The following KATNA1 variants were observed in gnomAD, a reference collection of about 807,000 sequenced individuals.
KATNA1 encodes the protein katanin p60 ATPase-containing subunit A1.
Under a neutral mutation model 62.6 loss-of-function variants are expected in KATNA1, and 42 were observed. That is an observed-to-expected ratio of 0.67 (90% CI 0.52 to 0.87). The LOEUF (loss-of-function observed/expected upper bound fraction) is 0.87. Ranked by LOEUF, KATNA1 falls within the 40% of genes least tolerant of loss-of-function variation. The pLI, the probability that KATNA1 is intolerant of heterozygous loss-of-function variation, is 0.00. For missense variants in KATNA1, 498 were observed against 612.5 expected (o/e 0.81, Z 1.97); for synonymous variants, 186 against 201.9 (o/e 0.92, Z 0.67).
intron 1 of KATNA1, among the ~76,000 whole-genome samples, chr6:149,645,321 T>C (rs368565680): frequency 2.6e-5 from 4 of 152,060 alleles, no homozygotes; most frequent in Non-Finnish European, 4.4e-5. Flanking sequence ...CCAGCGCCTG[T>C]AGTCCCAGCT....
intron 1 of KATNA1, among the ~76,000 whole-genome samples, chr6:149,640,852 T>C (rs1780253920): frequency 6.7e-6 from 1 of 149,530 alleles, no homozygotes; most frequent in Non-Finnish European, 1.5e-5. Flanking sequence ...TGGCCTCGGG[T>C]ATTTTTGTTG....
At chr6:149,632,993 A>C (rs28371360) in intron 2 of KATNA1, 77 bp from the exon 3 acceptor site, 2 of 1,138,928 alleles carry the variant, frequency 1.8e-6, no homozygotes, top group African/African-American at 1.6e-5. Context: ...GCCATTTACT[A>C]GAGATGTTAC....
At chr6:149,622,582 T>C (rs1196656679) in intron 4 of KATNA1, among the ~76,000 whole-genome samples, 2 of 151,950 alleles carry the variant, frequency 1.3e-5, no homozygotes, top group Admixed American at 6.6e-5. Context: ...TATCACAATA[T>C]AAAGTTACCA....
intron 6 of KATNA1, among the ~76,000 whole-genome samples, chr6:149,602,629 A>T (rs1429719844): frequency 6.6e-6 from 1 of 152,160 alleles, no homozygotes. Context: ...GGTTACAATC[A>T]TGCAACATGA....
At chr6:149,603,535 C>T (rs1778628427) in intron 5 of KATNA1, among the ~76,000 whole-genome samples, 162 bp from the exon 6 acceptor site, 1 of 152,180 alleles carries the variant, frequency 6.6e-6, no homozygotes, top group Non-Finnish European at 1.5e-5. Context: ...CCCACCATGT[C>T]AACCAGCAGA....
At chr6:149,647,657 T>C (rs985123900) in intron 1 of KATNA1, among the ~76,000 whole-genome samples, 38 of 152,268 alleles carry the variant, frequency 2.5e-4, no homozygotes, top group Middle Eastern at 6.8e-3. Flanking sequence ...GTGATTATCA[T>C]TGTGATTACG....
chr6:149,603,304 C>T lies in KATNA1; in HGVS notation c.693G>A (p.Met231Ile). 6.3e-7 allele frequency: 1 copy of T among 1,592,300 alleles called. No individual in the cohort carries two copies. The highest frequency in any genetic ancestry group is 8.6e-7 in the Non-Finnish European group (1 of 1,164,354). ...LKEAVVLPMW[M>I]PEFFKGIRRP... ...TCCTAATGCCCTTAAAGAATTCGGG[C>T]ATCCACATTGGTAACACTACGGCTT... The change falls in exon 6 of 11, where the codon ATG becomes ATA. Residue 231 changes from methionine (M) to isoleucine (I), a missense_variant. By Grantham distance (10) the Met-to-Ile change is conservative (BLOSUM62 1). Coordinates refer to ENST00000367411, the MANE Select transcript of KATNA1 (RefSeq NM_007044.4).
At position 149,623,226 on chromosome 6, in the gene KATNA1, A is replaced by G. The variant is rs1779476945; in HGVS notation, c.378T>C (p.His126=). 6.2e-7 allele frequency: 1 copy of G among 1,613,734 alleles called. No homozygotes were observed. Among genetic ancestry groups the G allele is most frequent in the Admixed American group, 1.7e-5 (1 of 59,904 alleles). The change falls in exon 4 of 11, where the codon CAT becomes CAC. Residue 126 remains histidine, a synonymous_variant. Coordinates refer to ENST00000367411, the MANE Select transcript of KATNA1 (RefSeq NM_007044.4). ...QSSQYSDPKS[H]GNRPSTTVRV... is the part of the protein sequence containing the mutation. ...TGACAGTTGTACTTGGACGATTACC[A>G]TGTGATTTAGGGTCACTGTACTGAG...
At chr6:149,607,693 G>A (rs966895502) in intron 4 of KATNA1, among the ~76,000 whole-genome samples, 87 of 152,232 alleles carry the variant, frequency 5.7e-4, no homozygotes, top group African/African-American at 1.9e-3. Context: ...GGATTCAAAG[G>A]GACCTAGACT....
At chr6:149,606,712 C>A (rs556916551) in intron 4 of KATNA1, among the ~76,000 whole-genome samples, 98 of 151,664 alleles carry the variant, frequency 6.5e-4, no homozygotes, top group African/African-American at 2.3e-3. Flanking sequence ...TCTGCTTCCC[C>A]GGTTCAAGCA....
intron 2 of KATNA1, among the ~76,000 whole-genome samples, chr6:149,636,673 G>C (rs1193994298): frequency 6.7e-6 from 1 of 149,550 alleles, no homozygotes; most frequent in Non-Finnish European, 1.5e-5. Flanking sequence ...ACAGAGTCTT[G>C]CTCTGTTGCC....
chr6:149,626,443 C>T (rs1370338328), intron 3 of KATNA1, among the ~76,000 whole-genome samples: 3 of 147,914 alleles, frequency 2.0e-5, no homozygotes, highest in Non-Finnish European at 3.0e-5. Context: ...TACAGGCGCC[C>T]GCCACTGCGC....
intron 4 of KATNA1, among the ~76,000 whole-genome samples, chr6:149,609,432 A>G (rs1177988517): frequency 6.6e-6 from 1 of 152,140 alleles, no homozygotes; most frequent in Non-Finnish European, 1.5e-5. Flanking sequence ...CCACGCCTAT[A>G]ATCTTAGCAC....
chr6:149,627,527 C>CAAA (rs796916643), intron 3 of KATNA1, among the ~76,000 whole-genome samples: 29 of 69,552 alleles, frequency 4.2e-4, no homozygotes, highest in African/African-American at 1.2e-3. Context: ...GACTCCATCT[C>CAAA]AAAAAAAAAA....
chr6:149,645,456 C>CAAAA lies in KATNA1; in HGVS notation c.-14+3009_-14+3012dup, dbSNP rs201041700. On this transcript the variant is annotated intron_variant, in intron 1 of 10. Transcript: ENST00000367411. ...AGACTCCATCTCAAAAAACAAAAAA[C>CAAAA]AAAAAAAAAAAAAAGAAAGAAAAAA... 1.4e-4 allele frequency among the ~76,000 whole-genome samples: 17 copies of CAAAA among 123,788 alleles called. No individual in the cohort carries two copies. The East Asian group carries it at 3.4e-3, about 24-fold the overall frequency. 81.2% of individuals were successfully genotyped at this position (123,788 alleles called of 152,430 possible).
At chr6:149,626,010 G>A (rs972270521) in intron 3 of KATNA1, among the ~76,000 whole-genome samples, 2 of 151,838 alleles carry the variant, frequency 1.3e-5, no homozygotes, top group East Asian at 1.9e-4. Context: ...CCAAACTAAC[G>A]TGTATGTGAA....
chr6:149,603,268 T>C lies in KATNA1; in HGVS notation c.729A>G (p.Lys243=), dbSNP rs1022912026. The change falls in exon 6 of 11, where the codon AAA becomes AAG. Residue 243 remains lysine, a splice_region_variant and synonymous_variant. Transcript: ENST00000367411. ...AATGCCATCACAGTAATAAACTTACTTTCCATGGTCTCCTAATGCCCTTAA... is the reference window on the plus strand; with the variant it reads ...AATGCCATCACAGTAATAAACTTACCTTCCATGGTCTCCTAATGCCCTTAA... ...EFFKGIRRPW[K]GVLMVGPPGT... 4.2e-6 allele frequency: 6 copies of C among 1,419,364 alleles called. No homozygotes were observed. In the African/African-American group the frequency reaches 8.6e-5, roughly 20 times the overall value. 87.9% of individuals were successfully genotyped at this position (1,419,364 alleles called of 1,614,324 possible). A position where few individuals can be genotyped will look rare whatever the true frequency, so the allele number is the denominator to read the frequency against.
chr6:149,609,414 G>C (rs1421128447), intron 4 of KATNA1, among the ~76,000 whole-genome samples: 2 of 152,076 alleles, frequency 1.3e-5, no homozygotes, highest in African/African-American at 2.4e-5. Context: ...CAGGCCAGGT[G>C]TGGTGGCCCA....
At chr6:149,621,438 A>G (rs1562291914) in intron 4 of KATNA1, among the ~76,000 whole-genome samples, 2 of 151,444 alleles carry the variant, frequency 1.3e-5, no homozygotes, top group East Asian at 2.0e-4. Context: ...GCCTTCTTAT[A>G]TGATACACTG....
Sources: allele counts gnomAD v4.1 joint callset (sites outside exome capture counted in the v4.1 genomes callset), GRCh38; gene constraint gnomAD v4.1.1; transcripts MANE v1.5; gene names NCBI Gene and HGNC (gene_info 2026-07-23, HGNC 2026-07-21).